Variants in PTPRN2 observed in about 807,000 individuals in gnomAD.
The protein encoded by PTPRN2 is receptor-type tyrosine-protein phosphatase N2.
In PTPRN2, 74 loss-of-function variants were observed where a neutral mutation model predicts 118.8. That is an observed-to-expected ratio of 0.62 (90% confidence interval 0.52 to 0.76). The LOEUF is 0.76. PTPRN2 is among the 30% of genes least tolerant of loss of function. The probability of loss-of-function intolerance (pLI) is 0.00; values close to 1 mark genes in which losing one functional copy is unlikely to be tolerated. For missense variants in PTPRN2, 1,481 were observed against 1,394.4 expected (o/e 1.06, Z -0.99); for synonymous variants, 641 against 608.0 (o/e 1.05, Z -0.80).
chr7:157,800,956 A>C (rs1805242198), intron 12 of PTPRN2, among the ~76,000 whole-genome samples: 3 of 151,470 alleles, frequency 2.0e-5, no homozygotes, highest in Middle Eastern at 3.5e-3. Context: ...CGTTTCAAAA[A>C]AAATATATAT....
intron 10 of PTPRN2, among the ~76,000 whole-genome samples, chr7:158,104,036 AT>A (rs1815462872): frequency 6.6e-6 from 1 of 151,886 alleles, no homozygotes; most frequent in Admixed American, 6.6e-5. Flanking sequence ...TAATTTTTGT[AT>A]TTTTAAGTAG....
intron 2 of PTPRN2, among the ~76,000 whole-genome samples, chr7:158,397,053 CAATTTGCTCTTTT>C (rs1033843062): frequency 2.0e-4 from 31 of 152,364 alleles, no homozygotes; most frequent in African/African-American, 2.6e-4. Context: ...AGTGCTCTTT[CAATTTGCTCTTTT>C]AATTTGCTCT....
At chr7:158,277,204 C>T (rs1341707979) in intron 3 of PTPRN2, among the ~76,000 whole-genome samples, 4 of 152,250 alleles carry the variant, frequency 2.6e-5, no homozygotes, top group Non-Finnish European at 5.9e-5. Context: ...TTCTCTTGCA[C>T]TGTTGCTTTA....
chr7:157,649,181 C>T (rs1805422852), intron 14 of PTPRN2, among the ~76,000 whole-genome samples: 1 of 117,792 alleles, frequency 8.5e-6, no homozygotes, highest in African/African-American at 3.1e-5. Context: ...GTGGGTCGGA[C>T]CCATTCGCTG....
chr7:158,097,227 G>T (rs762128619), intron 10 of PTPRN2, among the ~76,000 whole-genome samples: 1 of 152,106 alleles, frequency 6.6e-6, no homozygotes, highest in Non-Finnish European at 1.5e-5. Context: ...GGTGGGAGAG[G>T]GGCAGGCACT....
rs1443237021 is a variant in PTPRN2, at chr7:158,022,796, C to T, written c.1723+58502G>A. Among the ~76,000 whole-genome samples, 2 of 152,266 alleles carry T rather than the reference C, an allele frequency of 1.3e-5. No individual in the cohort carries two copies. The highest frequency in any genetic ancestry group is 2.4e-5 in the African/African-American group (1 of 41,470). ...TGAGTCTGGAATGCGTTCTGAGCAC[C>T]CCTGGAGCAGGGCACTGTTGGGTTA... On this transcript the variant is annotated intron_variant, in intron 11 of 22. Coordinates refer to ENST00000389418, the MANE Select transcript of PTPRN2 (RefSeq NM_002847.5). The surrounding 1 kb of genome is among the most constrained non-coding windows in gnomAD (Gnocchi z 4.6).
chr7:158,086,891 ATCT>A (rs1813460895), intron 10 of PTPRN2, among the ~76,000 whole-genome samples: 1 of 152,188 alleles, frequency 6.6e-6, no homozygotes, highest in Non-Finnish European at 1.5e-5. Flanking sequence ...TAACCTTATT[ATCT>A]TCTTCACATT....
intron 11 of PTPRN2, among the ~76,000 whole-genome samples, chr7:157,922,333 G>A (rs184517341): frequency 6.6e-6 from 1 of 152,288 alleles, no homozygotes; most frequent in African/African-American, 2.4e-5. Flanking sequence ...GGGCGATGGG[G>A]CCAGCACTGC....
intron 11 of PTPRN2, among the ~76,000 whole-genome samples, chr7:157,924,404 C>A (rs1798855372): frequency 2.6e-5 from 4 of 152,326 alleles, no homozygotes; most frequent in Non-Finnish European, 5.9e-5. Flanking sequence ...GCCACCAGCC[C>A]TGTTGCCAGA....
At chr7:158,215,247 A>G (rs1411875595) in intron 3 of PTPRN2, among the ~76,000 whole-genome samples, 10 of 152,366 alleles carry the variant, frequency 6.6e-5, no homozygotes, top group African/African-American at 2.2e-4. Flanking sequence ...GATGCACATA[A>G]CAGAAGGATG....
rs183382755 is a variant in PTPRN2, at chr7:157,747,941, C to T, written c.1789-65004G>A. 5.6e-5 allele frequency among the ~76,000 whole-genome samples: 8 copies of T among 143,580 alleles called. No homozygotes were observed. The East Asian group carries it at 1.5e-3, about 27-fold the overall frequency. The allele number at this position is 143,580 out of a possible 152,430, so 94.2% of individuals were successfully genotyped here. A position where few individuals can be genotyped will look rare whatever the true frequency, so the allele number is the denominator to read the frequency against. ...GTGGGGTGTCCGGGCGATTGTGAGG[C>T]CTGTGTCCCTGAGCTGCAGGCTGTT... is the stretch of plus-strand genomic sequence containing the variant. On this transcript the variant is annotated intron_variant, in intron 12 of 22. Transcript: ENST00000389418.
At chr7:158,293,442 A>G (rs1410180390) in intron 3 of PTPRN2, among the ~76,000 whole-genome samples, 1 of 151,848 alleles carries the variant, frequency 6.6e-6, no homozygotes, top group African/African-American at 2.4e-5. Context: ...CAGGTGTGGT[A>G]GTGTGCACAT....
intron 1 of PTPRN2, among the ~76,000 whole-genome samples, chr7:158,569,270 G>A (rs1474471123): frequency 1.3e-5 from 2 of 151,272 alleles, no homozygotes; most frequent in African/African-American, 2.4e-5. Flanking sequence ...CCTGGCCCAG[G>A]GAGGCCCCGT....
intron 11 of PTPRN2, among the ~76,000 whole-genome samples, chr7:158,016,230 C>T (rs574861429): frequency 6.6e-6 from 1 of 152,302 alleles, no homozygotes; most frequent in South Asian, 2.1e-4. Flanking sequence ...TCGGGAGGTC[C>T]GGATGACTTT....
chr7:158,019,752 G>T (rs1427604227), intron 11 of PTPRN2, among the ~76,000 whole-genome samples: 1 of 150,942 alleles, frequency 6.6e-6, no homozygotes, highest in Non-Finnish European at 1.5e-5. Context: ...ACATCTGCAG[G>T]CCTGGCTGTG....
Position 158,239,074 on chromosome 7 carries a change from G to A in PTPRN2, c.278-33801C>T, listed in dbSNP as rs573401737. On this transcript the variant is annotated intron_variant, in intron 3 of 22. Transcript: ENST00000389418. ...TGCCACCCGAGCCTGGTGTTTGCTC[G>A]GTCAAGGTGCCACAGCCCCCATCAC... is the stretch of plus-strand genomic sequence containing the variant. Among the ~76,000 whole-genome samples, 661 of 152,272 alleles carry A rather than the reference G, an allele frequency of 4.3e-3. 5 individuals carry two copies. Among genetic ancestry groups the A allele is most frequent in the African/African-American group, 0.015 (610 of 41,576 alleles).
chr7:157,612,151 G>A (rs1802390957), intron 15 of PTPRN2, among the ~76,000 whole-genome samples: 1 of 152,232 alleles, frequency 6.6e-6, no homozygotes, highest in South Asian at 2.1e-4. Flanking sequence ...GTGCCTGCAC[G>A]GAGAAAGCGC....
At chr7:157,846,011 G>C (rs1808778340) in intron 12 of PTPRN2, among the ~76,000 whole-genome samples, 1 of 152,200 alleles carries the variant, frequency 6.6e-6, no homozygotes, top group Admixed American at 6.5e-5. Flanking sequence ...GAGGAAGGGA[G>C]TGGTAAAATT....
intron 1 of PTPRN2, among the ~76,000 whole-genome samples, chr7:158,528,375 C>T (rs140482105): frequency 2.8e-3 from 423 of 152,308 alleles, no homozygotes; most frequent in Non-Finnish European, 4.7e-3. Context: ...TCCCCAGAGC[C>T]GGTCAGCCGT....
Sources: allele counts gnomAD v4.1 joint callset (sites outside exome capture counted in the v4.1 genomes callset), GRCh38; gene constraint gnomAD v4.1.1; non-coding constraint Gnocchi (gnomAD v3.1); transcripts MANE v1.5; gene names NCBI Gene and HGNC (gene_info 2026-07-23, HGNC 2026-07-21).